WDPCP: variants seen among roughly 807,000 people sequenced by gnomAD.
WDPCP encodes the protein WD repeat containing planar cell polarity effector, also known as WD repeat-containing and planar cell polarity effector protein fritz homolog.
In WDPCP, 71 loss-of-function variants were observed where a neutral mutation model predicts 93.1. That is an observed-to-expected ratio of 0.76 (90% CI 0.63 to 0.93). WDPCP has a LOEUF of 0.93. WDPCP is among the 40% of genes least tolerant of loss of function. WDPCP has a pLI of 0.00. For synonymous variants in WDPCP, 315 were observed against 315.0 expected, an observed-to-expected ratio of 1.00 and a Z score of 0.00; for missense variants, 844 against 887.4, an observed-to-expected ratio of 0.95 and a Z score of 0.62.
At chr2:63,147,601 C>T (rs967282207) in intron 17 of WDPCP, among the ~76,000 whole-genome samples, 5 of 152,096 alleles carry the variant, frequency 3.3e-5, no homozygotes, top group South Asian at 4.1e-4. Context: ...AAAACATTCA[C>T]GATAGAATTC....
chr2:63,242,649 A>G (rs1679948339), intron 14 of WDPCP, among the ~76,000 whole-genome samples: 1 of 152,110 alleles, frequency 6.6e-6, no homozygotes, highest in Non-Finnish European at 1.5e-5. Context: ...CTATTCTTCA[A>G]ATCTCAGTGT....
intron 14 of WDPCP, among the ~76,000 whole-genome samples, chr2:63,195,893 T>C (rs1468016245): frequency 1.3e-5 from 2 of 152,182 alleles, no homozygotes; most frequent in African/African-American, 4.8e-5. Context: ...AGATTGAACA[T>C]TAAGTCATAA....
At chr2:63,292,132 C>CA (rs58370764) in intron 13 of WDPCP, among the ~76,000 whole-genome samples, 1,682 of 83,104 alleles carry the variant, frequency 0.02, 41 homozygotes, top group Non-Finnish European at 0.032. Context: ...GACTCCGGCT[C>CA]AAAAAAAAAA....
rs148701343 is a variant in WDPCP, at chr2:63,426,008, G to A, written c.825+7737C>T. ...TCAGGTCACTTACAAAGGGAACTAC[G>A]TCAGGCTAGCAACAGACCTCTCAGC... On this transcript the variant is annotated intron_variant, in intron 9 of 17. Coordinates refer to ENST00000272321, the MANE Select transcript of WDPCP (RefSeq NM_015910.7). Among the ~76,000 whole-genome samples the A allele has an allele frequency of 5.5e-4, 83 of 152,292 alleles. 2 individuals are homozygous for A. The East Asian group carries it at 0.015, about 27-fold the overall frequency.
At chr2:63,399,377 C>T (rs1419198859) in intron 10 of WDPCP, among the ~76,000 whole-genome samples, 1 of 151,944 alleles carries the variant, frequency 6.6e-6, no homozygotes, top group Non-Finnish European at 1.5e-5. Context: ...TAGCAGGAAG[C>T]CCTCTAAATC....
At chr2:63,270,636 C>A (rs1682561782) in intron 13 of WDPCP, among the ~76,000 whole-genome samples, 1 of 152,018 alleles carries the variant, frequency 6.6e-6, no homozygotes, top group South Asian at 2.1e-4. Flanking sequence ...ACCTCTGAGA[C>A]ACAGAAGGAG....
At chr2:63,580,135 G>A (rs6708804) in intron 1 of WDPCP, among the ~76,000 whole-genome samples, 120,368 of 152,118 alleles carry the variant, frequency 0.79, 48,105 homozygotes, top group East Asian at 0.98. Context: ...CACTCAGTCT[G>A]TAGTATTTGT....
At chr2:63,453,789 T>C (rs762097092) in intron 6 of WDPCP, among the ~76,000 whole-genome samples, 2 of 151,776 alleles carry the variant, frequency 1.3e-5, no homozygotes, top group Admixed American at 6.6e-5. Flanking sequence ...TGCATGTCCT[T>C]TGTAGGGACA....
chr2:63,605,339 T>G, intron 3 of WDPCP: 1 of 1,614,226 alleles, frequency 6.2e-7, no homozygotes, highest in Non-Finnish European at 8.5e-7. Context: ...GTGCCATGTC[T>G]GCTGCAAAAG....
Position 63,554,166 on chromosome 2 carries a change from G to A in WDPCP, c.75+34031C>T, listed in dbSNP as rs145358711. Among the ~76,000 whole-genome samples the A allele has an allele frequency of 4.1e-3, 629 of 152,266 alleles. 5 individuals are homozygous for A. Among genetic ancestry groups the A allele is most frequent in the Middle Eastern group, 0.034 (10 of 294 alleles). ...TTTGGAACACTTCCTGCTGTCTCTTGATTTTGACATTTCTGATGCATAAAG... is the reference window on the plus strand; with the variant it reads ...TTTGGAACACTTCCTGCTGTCTCTTAATTTTGACATTTCTGATGCATAAAG... On this transcript the variant is annotated intron_variant, in intron 1 of 17. Coordinates refer to ENST00000272321, the MANE Select transcript of WDPCP (RefSeq NM_015910.7).
intron 3 of WDPCP, among the ~76,000 whole-genome samples, chr2:63,647,857 A>T (rs1030436657): frequency 6.6e-6 from 1 of 152,166 alleles, no homozygotes; most frequent in Non-Finnish European, 1.5e-5. Flanking sequence ...ATTAAAAAAA[A>T]CTTGGTTCTT....
At chr2:63,195,706 C>T (rs1414115870) in intron 14 of WDPCP, among the ~76,000 whole-genome samples, 1 of 151,730 alleles carries the variant, frequency 6.6e-6, no homozygotes, top group African/African-American at 2.4e-5. Flanking sequence ...ACCACGTAGG[C>T]TAAAAATATC....
At position 63,313,290 on chromosome 2, in the gene WDPCP, T is replaced by G; in HGVS notation, c.1770A>C (p.Ala590=). The change falls in exon 13 of 18, where the codon GCA becomes GCC. Residue 590 remains alanine (A), a synonymous_variant. Coordinates refer to ENST00000272321, the MANE Select transcript of WDPCP (RefSeq NM_015910.7). ...HLLRYQRFEK[A]FLLAVDVGAR... ...CACCAACGTCAACAGCTAGGAGAAA[T>G]GCCTTTTCAAACCTCTGGTACCTAC... 6.2e-7 allele frequency: 1 copy of G among 1,613,718 alleles called. No homozygotes were observed. The highest frequency in any genetic ancestry group is 8.5e-7 in the Non-Finnish European group (1 of 1,179,742).
At chr2:63,689,596 T>C (rs1321320359) in intron 2 of WDPCP, among the ~76,000 whole-genome samples, 1 of 152,026 alleles carries the variant, frequency 6.6e-6, no homozygotes, top group African/African-American at 2.4e-5. Flanking sequence ...TTCTAAGGGG[T>C]TGAGGGGAAA....
At chr2:63,328,579 T>A (rs996539113) in intron 12 of WDPCP, among the ~76,000 whole-genome samples, 5 of 152,144 alleles carry the variant, frequency 3.3e-5, no homozygotes, top group Non-Finnish European at 7.4e-5. Context: ...GGACACACCA[T>A]CTTTAAGAAC....
At chr2:63,512,147 T>C (rs906270910) in intron 1 of WDPCP, among the ~76,000 whole-genome samples, 9 of 152,178 alleles carry the variant, frequency 5.9e-5, no homozygotes, top group African/African-American at 2.2e-4. Flanking sequence ...AAAAAGCTCA[T>C]CATCACTGGT....
intron 10 of WDPCP, among the ~76,000 whole-genome samples, chr2:63,402,177 G>A (rs1047838333): frequency 1.3e-5 from 2 of 152,198 alleles, no homozygotes; most frequent in South Asian, 2.1e-4. Context: ...GGACATGGAC[G>A]AAGCTGGAAG....
chr2:63,711,077 T>C (rs1558891333), intron 2 of WDPCP, among the ~76,000 whole-genome samples: 1 of 152,176 alleles, frequency 6.6e-6, no homozygotes, highest in Admixed American at 6.5e-5. Context: ...AGGTATTACA[T>C]CTTCATCCTA....
chr2:63,316,646 C>T (rs1686664287), intron 12 of WDPCP, among the ~76,000 whole-genome samples: 1 of 151,686 alleles, frequency 6.6e-6, no homozygotes, highest in African/African-American at 2.4e-5. Context: ...GAGTGAGTCT[C>T]TGCCTCAAAA....
Sources: gnomAD v4.1 joint callset for allele counts (sites outside exome capture counted in the v4.1 genomes callset) on GRCh38, gnomAD v4.1.1 for gene constraint, MANE v1.5 for transcripts, NCBI Gene and HGNC (gene_info 2026-07-23, HGNC 2026-07-21) for gene names.